Variants in PIK3C2G observed in about 807,000 individuals in gnomAD.
PIK3C2G encodes phosphatidylinositol 3-kinase C2 domain-containing subunit gamma.
In PIK3C2G, 168 loss-of-function variants were observed where a neutral mutation model predicts 181.1. The ratio of observed to expected loss-of-function variants is 0.93; its 90% CI spans 0.82 to 1.05. The LOEUF (loss-of-function observed/expected upper bound fraction) is 1.05, where lower values mean the gene tolerates loss of function less well. Among genes scored for constraint, PIK3C2G ranks in the 50% least tolerant of loss-of-function variants. The pLI is 0.00. For synonymous variants in PIK3C2G, 573 were observed against 592.2 expected (o/e 0.97, Z 0.47); for missense variants, 1,869 against 1,732.8 (o/e 1.08, Z -1.40).
At chr12:18,650,331 C>CTCTATATATA (rs1555163997), downstream of PIK3C2G, among the ~76,000 whole-genome samples, 17 of 91,976 alleles carry the variant, frequency 1.8e-4, no homozygotes, top group Non-Finnish European at 3.1e-4. Context: ...CTCTCTCTCT[C>CTCTATATATA]TATATATATA....
chr12:18,494,457 G>T (rs719568), intron 20 of PIK3C2G, among the ~76,000 whole-genome samples: 47,805 of 151,860 alleles, frequency 0.31, 8,566 homozygotes, highest in African/African-American at 0.49. Context: ...TTTGTGAGGG[G>T]AGATGTAGTG....
chr12:18,510,982 C>T (rs1022581059), intron 24 of PIK3C2G, among the ~76,000 whole-genome samples: 4 of 152,044 alleles, frequency 2.6e-5, no homozygotes, highest in African/African-American at 9.7e-5. Context: ...TCAATAGCTC[C>T]CATTCCCCCC....
chr12:18,515,395 T>G (rs1942468145), intron 24 of PIK3C2G, among the ~76,000 whole-genome samples: 1 of 152,016 alleles, frequency 6.6e-6, no homozygotes, highest in Admixed American at 6.6e-5. Flanking sequence ...ACTTCTGTCT[T>G]GTTACACATG....
intron 13 of PIK3C2G, among the ~76,000 whole-genome samples, chr12:18,375,300 C>T (rs1259128496): frequency 6.6e-6 from 1 of 152,212 alleles, no homozygotes; most frequent in Non-Finnish European, 1.5e-5. Flanking sequence ...GCAAAGGTCA[C>T]TCTTGTTATG....
chr12:18,386,122 C>T (rs928187356), intron 14 of PIK3C2G, among the ~76,000 whole-genome samples: 6 of 152,234 alleles, frequency 3.9e-5, no homozygotes, highest in African/African-American at 1.4e-4. Flanking sequence ...TTACTGCCCT[C>T]GGTTATCTCC....
At chr12:18,365,017 C>A (rs1453468952) in intron 12 of PIK3C2G, among the ~76,000 whole-genome samples, 2 of 152,126 alleles carry the variant, frequency 1.3e-5, no homozygotes, top group African/African-American at 4.8e-5. Context: ...CACACTTATG[C>A]CATCATATAG....
intron 5 of PIK3C2G, among the ~76,000 whole-genome samples, chr12:18,304,064 ATCT>A (rs1453068360): frequency 1.1e-4 from 16 of 152,222 alleles, no homozygotes; most frequent in Admixed American, 3.3e-4. Flanking sequence ...GATTAGAATG[ATCT>A]TCTTATCTAC....
At position 18,400,830 on chromosome 12, in the gene PIK3C2G, T is replaced by G. The variant is rs577743133; in HGVS notation, c.2315+983T>G. On this transcript the variant is annotated intron_variant, in intron 16 of 32. Coordinates refer to ENST00000538779, the MANE Select transcript of PIK3C2G (RefSeq NM_001288772.2). ...TTTATTAGTTTTATGGCTTCTTCCA[T>G]TAACTGATGTGTGCTCGGATGCCTA... 8.5e-5 allele frequency among the ~76,000 whole-genome samples: 13 copies of G among 152,216 alleles called. No individual in the cohort carries two copies. In the East Asian group the frequency reaches 2.3e-3, roughly 27 times the overall value.
intron 16 of PIK3C2G, among the ~76,000 whole-genome samples, chr12:18,415,202 C>T (rs556669510): frequency 6.6e-6 from 1 of 152,244 alleles, no homozygotes; most frequent in South Asian, 2.1e-4. Context: ...TTGTGGCTTC[C>T]TTGAGTCAAG....
intron 24 of PIK3C2G, among the ~76,000 whole-genome samples, chr12:18,516,496 T>C (rs1393336687): frequency 6.6e-6 from 1 of 152,092 alleles, no homozygotes; most frequent in Non-Finnish European, 1.5e-5. Flanking sequence ...CCTCTGGGCT[T>C]CCTCTACCTG....
intron 24 of PIK3C2G, among the ~76,000 whole-genome samples, chr12:18,507,336 G>A (rs764421699): frequency 3.3e-5 from 5 of 151,996 alleles, no homozygotes; most frequent in Admixed American, 6.6e-5. Flanking sequence ...GCCTTCATTC[G>A]CTTCTTAAAT....
At position 18,294,476 on chromosome 12, in the gene PIK3C2G, G is replaced by A. The variant is rs113701955; in HGVS notation, c.1034+461G>A. On this transcript the variant is annotated intron_variant, in intron 5 of 32. Coordinates refer to ENST00000538779, the MANE Select transcript of PIK3C2G (RefSeq NM_001288772.2). The stretch of plus-strand genomic sequence containing the variant: ...ACTGATTTTTTTTTAAATCACAGGG[G>A]CCTTAAGTATAAGCATTATAACTTA... Among the ~76,000 whole-genome samples the A allele has an allele frequency of 1.3e-3, 203 of 151,878 alleles. 1 individual carries two copies. The highest frequency in any genetic ancestry group is 4.7e-3 in the African/African-American group (194 of 41,468).
At position 18,450,283 on chromosome 12, in the gene PIK3C2G, C is replaced by T. The variant is rs139175121; in HGVS notation, c.2504+26244C>T. On this transcript the variant is annotated intron_variant, in intron 18 of 32. Transcript: ENST00000538779. Reference sequence around the variant, plus strand: ...CTGGGATTACAGGCATGTGCCACCACGCCTGGCTAATTTTGTATTTTTAGT... The same window carrying T: ...CTGGGATTACAGGCATGTGCCACCATGCCTGGCTAATTTTGTATTTTTAGT... Among the ~76,000 whole-genome samples, 1,446 of 152,164 alleles carry T rather than the reference C, an allele frequency of 9.5e-3. 24 individuals carry two copies. Among genetic ancestry groups the T allele is most frequent in the African/African-American group, 0.033 (1,368 of 41,524 alleles).
rs551002787 is a variant in PIK3C2G at position 18,556,808 on chromosome 12, C to A, written c.3591-5895C>A. ...AAACAACATCTTTAGAAATGGTGAACACTGGGATGAATAATGGGATCAGAG... is the reference window on the plus strand; with the variant it reads ...AAACAACATCTTTAGAAATGGTGAAAACTGGGATGAATAATGGGATCAGAG... On this transcript the variant is annotated intron_variant, in intron 26 of 32. Transcript: ENST00000538779. 2.0e-5 allele frequency among the ~76,000 whole-genome samples: 3 copies of A among 152,182 alleles called. No individual in the cohort carries two copies. In the South Asian group the frequency reaches 6.2e-4, roughly 32 times the overall value.
the PIK3C2G span, among the ~76,000 whole-genome samples, chr12:18,687,455 A>G: frequency 1.6e-4 from 24 of 152,118 alleles, no homozygotes; most frequent in Non-Finnish European, 3.2e-4. Flanking sequence ...CCAGGAACCT[A>G]TCCTTTTCTA....
intron 18 of PIK3C2G, among the ~76,000 whole-genome samples, chr12:18,462,192 G>T (rs115610957): frequency 5.3e-4 from 81 of 152,280 alleles, no homozygotes; most frequent in African/African-American, 1.8e-3. Context: ...ACCATAGCAA[G>T]TTACTTTCAT....
upstream of PIK3C2G, among the ~76,000 whole-genome samples, chr12:18,247,349 T>A (rs909908447): frequency 1.2e-4 from 19 of 152,182 alleles, no homozygotes; most frequent in African/African-American, 4.1e-4. Context: ...AGCTACGTTA[T>A]CTGGGGTATG....
upstream of PIK3C2G, among the ~76,000 whole-genome samples, chr12:18,243,532 T>C (rs9634088): frequency 0.43 from 65,329 of 151,674 alleles, 14,629 homozygotes; most frequent in East Asian, 0.76. Context: ...ACACAGATAA[T>C]TAAAAACATT....
intron 5 of PIK3C2G, among the ~76,000 whole-genome samples, chr12:18,300,964 C>A (rs973181469): frequency 6.6e-6 from 1 of 152,090 alleles, no homozygotes; most frequent in Admixed American, 6.5e-5. Flanking sequence ...TATAACTTAG[C>A]TGTGTAGAGT....
Sources: allele counts gnomAD v4.1 joint callset (sites outside exome capture counted in the v4.1 genomes callset), GRCh38; gene constraint gnomAD v4.1.1; transcripts MANE v1.5; gene names NCBI Gene and HGNC (gene_info 2026-07-23, HGNC 2026-07-21).